The following ERI3 variants were observed in gnomAD, a reference collection of about 807,000 sequenced individuals.
The protein encoded by ERI3 is ERI1 exoribonuclease 3.
A neutral mutation model predicts 44.4 loss-of-function variants in ERI3; 18 were observed. The observed-to-expected ratio is 0.41, with a 90% CI of 0.28 to 0.60. The LOEUF (loss-of-function observed/expected upper bound fraction) is 0.60, where lower values mean the gene tolerates loss of function less well. Ranked by LOEUF, ERI3 falls within the 20% of genes least tolerant of loss-of-function variation. ERI3 has a pLI of 0.36. For synonymous variants in ERI3, 183 were observed against 164.8 expected (o/e 1.11, Z -0.84); for missense variants, 294 against 435.5 (o/e 0.68, Z 2.89).
intron 2 of ERI3, among the ~76,000 whole-genome samples, chr1:44,339,958 A>G (rs1032254046): frequency 1.3e-5 from 2 of 152,240 alleles, no homozygotes; most frequent in African/African-American, 4.8e-5. Flanking sequence ...ACCCTGGGGG[A>G]ATGAACAGTG....
intron 8 of ERI3, among the ~76,000 whole-genome samples, chr1:44,236,917 G>A (rs1362738513): frequency 6.6e-6 from 1 of 152,168 alleles, no homozygotes; most frequent in African/African-American, 2.4e-5. Context: ...GTGATTTCTT[G>A]ATCTTGTGCT....
intron 2 of ERI3, among the ~76,000 whole-genome samples, chr1:44,347,759 G>GA (rs1175115041): frequency 7.2e-6 from 1 of 137,976 alleles, no homozygotes; most frequent in Non-Finnish European, 1.6e-5. Flanking sequence ...CAGTATAGGT[G>GA]AATGTGTGCA....
intron 2 of ERI3, among the ~76,000 whole-genome samples, chr1:44,340,036 G>A (rs1646619670): frequency 1.4e-5 from 2 of 146,528 alleles, no homozygotes; most frequent in East Asian, 2.0e-4. Flanking sequence ...GTCTCTACTC[G>A]AGGCCCTGAA....
intron 3 of ERI3, among the ~76,000 whole-genome samples, chr1:44,337,244 C>T (rs1188505967): frequency 6.6e-6 from 1 of 152,060 alleles, no homozygotes; most frequent in Non-Finnish European, 1.5e-5. Context: ...AACAGAGGTG[C>T]CAAGCGATTA....
intron 7 of ERI3, among the ~76,000 whole-genome samples, chr1:44,281,878 ATGTGTGTGTGTGTGTGTG>A (rs10574197): frequency 3.1e-4 from 39 of 127,022 alleles, no homozygotes; most frequent in Middle Eastern, 4.1e-3. Flanking sequence ...ACATGTGCAT[ATGTGTGTGTGTGTGTGTG>A]TGTGTGTGTG....
intron 6 of ERI3, among the ~76,000 whole-genome samples, chr1:44,300,182 G>A (rs142214382): frequency 7.0e-4 from 106 of 152,338 alleles, no homozygotes; most frequent in African/African-American, 2.4e-3. Flanking sequence ...GCCAAAGCAT[G>A]AGGCTCCTAC....
At chr1:44,263,895 G>C (rs1373662876) in intron 7 of ERI3, among the ~76,000 whole-genome samples, 3 of 152,224 alleles carry the variant, frequency 2.0e-5, no homozygotes, top group African/African-American at 4.8e-5. Context: ...CCTCAGGAGA[G>C]AGACAACCCT....
intron 5 of ERI3, among the ~76,000 whole-genome samples, chr1:44,310,692 T>G (rs1188079533): frequency 1.3e-5 from 2 of 152,162 alleles, no homozygotes. Context: ...GCTAGAGGCC[T>G]GGCCCATGCT....
At chr1:44,314,872 A>G (rs1646053323) in intron 4 of ERI3, among the ~76,000 whole-genome samples, 1 of 152,208 alleles carries the variant, frequency 6.6e-6, no homozygotes, top group Non-Finnish European at 1.5e-5. Context: ...TCCTACACCC[A>G]GCCCCAACTA....
At chr1:44,230,724 A>T (rs1437519623) in intron 8 of ERI3, among the ~76,000 whole-genome samples, 1 of 152,188 alleles carries the variant, frequency 6.6e-6, no homozygotes, top group Non-Finnish European at 1.5e-5. Context: ...CCCTCCCGAG[A>T]GACCTGCCTG....
chr1:44,341,929 T>A (rs1487937818), intron 2 of ERI3, among the ~76,000 whole-genome samples: 3 of 151,952 alleles, frequency 2.0e-5, no homozygotes, highest in Non-Finnish European at 4.4e-5. Context: ...AAAACTTCTC[T>A]CGTAGGAAGT....
intron 1 of ERI3, 167 bp downstream of exon 1, chr1:44,354,725 C>T: frequency 1.0e-6 from 1 of 985,452 alleles, no homozygotes; most frequent in Middle Eastern, 5.2e-4. Flanking sequence ...TTGCAAAGCT[C>T]TGCCCCGCTC....
At chr1:44,307,436 G>GAC (rs1240476427) in intron 6 of ERI3, among the ~76,000 whole-genome samples, 2 of 151,918 alleles carry the variant, frequency 1.3e-5, no homozygotes, top group Non-Finnish European at 2.9e-5. Context: ...CACACACAGA[G>GAC]ACACACACAC....
intron 2 of ERI3, among the ~76,000 whole-genome samples, chr1:44,343,661 T>C (rs1646728189): frequency 6.6e-6 from 1 of 152,176 alleles, no homozygotes; most frequent in South Asian, 2.1e-4. Context: ...CTGAACTGGA[T>C]CACTTTGCTG....
At chr1:44,253,236 A>G (rs1422040182) in intron 7 of ERI3, among the ~76,000 whole-genome samples, 3 of 152,230 alleles carry the variant, frequency 2.0e-5, no homozygotes, top group Non-Finnish European at 4.4e-5. Context: ...CCAGCAGCCC[A>G]TGCCTCATAG....
At chr1:44,279,211 C>G (rs1396195300) in intron 7 of ERI3, among the ~76,000 whole-genome samples, 2 of 150,732 alleles carry the variant, frequency 1.3e-5, no homozygotes, top group African/African-American at 4.8e-5. Context: ...TTATCAATCA[C>G]AGACCAATAA....
Position 44,256,215 on chromosome 1 carries a change from C to G in ERI3, c.832-8177G>C, listed in dbSNP as rs147804485. Among the ~76,000 whole-genome samples the G allele has an allele frequency of 3.2e-3, 494 of 152,242 alleles. 3 individuals are homozygous for G. Among genetic ancestry groups the G allele is most frequent in the African/African-American group, 0.011 (456 of 41,530 alleles). On this transcript the variant is annotated intron_variant, in intron 7 of 8. Coordinates refer to ENST00000372257, the MANE Select transcript of ERI3 (RefSeq NM_024066.3). ...TGGTTTCCGGAGCTGCTACTCCTGCCAATCCTACCCAGTCTCCTTCAGGAA... is the reference window on the plus strand; with the variant it reads ...TGGTTTCCGGAGCTGCTACTCCTGCGAATCCTACCCAGTCTCCTTCAGGAA...
chr1:44,256,994 C>G (rs1247292277), intron 7 of ERI3: 1 of 152,154 alleles, frequency 6.6e-6, no homozygotes, highest in African/African-American at 2.4e-5. Flanking sequence ...TCAGTCTGAG[C>G]CAGCTGCCCA....
At chr1:44,344,396 T>C (rs997766698) in intron 2 of ERI3, among the ~76,000 whole-genome samples, 2 of 152,174 alleles carry the variant, frequency 1.3e-5, no homozygotes, top group Non-Finnish European at 2.9e-5. Flanking sequence ...AGGCTGCATG[T>C]TCTCTCTGGT....
Sources: allele counts gnomAD v4.1 joint callset (sites outside exome capture counted in the v4.1 genomes callset), GRCh38; gene constraint gnomAD v4.1.1; transcripts MANE v1.5; gene names NCBI Gene and HGNC (gene_info 2026-07-23, HGNC 2026-07-21).